Variants in PRSS12 observed in about 807,000 individuals in gnomAD.
The protein encoded by PRSS12 is serine protease 12.
A neutral mutation model predicts 104.4 loss-of-function variants in PRSS12; 85 were observed. That is an observed-to-expected ratio of 0.81 (90% CI 0.68 to 0.98). PRSS12 has a LOEUF of 0.98. Among genes scored for constraint, PRSS12 ranks in the 50% least tolerant of loss-of-function variants. The probability of loss-of-function intolerance (pLI) is 0.00; values close to 1 mark genes in which losing one functional copy is unlikely to be tolerated. For missense variants in PRSS12, 1,141 were observed against 1,139.2 expected, an observed-to-expected ratio of 1.00 and a Z score of -0.02; for synonymous variants, 454 against 425.2, an observed-to-expected ratio of 1.07 and a Z score of -0.83.
intron 7 of PRSS12, 31 bp downstream of exon 7, chr4:118,313,170 T>C (rs1209798441): frequency 3.7e-6 from 6 of 1,609,900 alleles, no homozygotes; most frequent in Non-Finnish European, 5.1e-6. Flanking sequence ...TACTGAATGA[T>C]GGAAACTTGA....
At chr4:118,296,591 T>C (rs1215695697) in intron 9 of PRSS12, among the ~76,000 whole-genome samples, 7 of 152,326 alleles carry the variant, frequency 4.6e-5, no homozygotes, top group Non-Finnish European at 8.8e-5. Context: ...TTTGGTTAAA[T>C]ATATGTGTAT....
At chr4:118,310,794 T>C (rs956575560) in intron 7 of PRSS12, among the ~76,000 whole-genome samples, 31 of 152,208 alleles carry the variant, frequency 2.0e-4, no homozygotes, top group African/African-American at 7.2e-4. Context: ...CTCACACCTG[T>C]AATCCCAGCA....
At position 118,299,424 on chromosome 4, in the gene PRSS12, G is replaced by A. The variant is rs1743335773; in HGVS notation, c.1632-486C>T. Among the ~76,000 whole-genome samples the A allele has an allele frequency of 2.6e-5, 4 of 152,010 alleles. No individual in the cohort carries two copies. In the South Asian group the frequency reaches 8.3e-4, roughly 31 times the overall value. ...GGCCGGGCACGTTGGCTCATGCCTA[G>A]AATCCCAACACTTTGGGAGGCCAAG... On this transcript the variant is annotated intron_variant, in intron 8 of 12. Coordinates refer to ENST00000296498, the MANE Select transcript of PRSS12 (RefSeq NM_003619.4).
rs888521495 is a variant in PRSS12 at position 118,281,488 on chromosome 4, A to C, written c.*448T>G. ...CAGAGAATATGAAGATTTCTTGTCA[A>C]GTCTTTTGAAAAGACCTAAGCATAA... On this transcript the variant is annotated 3_prime_UTR_variant, in exon 13 of 13. Transcript: ENST00000296498. The C allele has an allele frequency of 5.3e-6, 1 of 190,036 alleles. No homozygotes were observed. Among genetic ancestry groups the C allele is most frequent in the South Asian group, 9.8e-5 (1 of 10,244 alleles). The allele number at this position is 190,036 out of a possible 1,614,324, so 11.8% of individuals were successfully genotyped here.
intron 5 of PRSS12, 124 bp downstream of exon 5, chr4:118,318,254 T>G: frequency 1.1e-6 from 1 of 933,558 alleles, no homozygotes; most frequent in Non-Finnish European, 1.6e-6. Flanking sequence ...TTTTGTTTGT[T>G]TTATTTGGTG....
chr4:118,328,188 G>A (rs1464863994), intron 4 of PRSS12, among the ~76,000 whole-genome samples: 1 of 152,180 alleles, frequency 6.6e-6, no homozygotes, highest in Non-Finnish European at 1.5e-5. Flanking sequence ...CTGCTTTATT[G>A]CAAACTTATG....
intron 7 of PRSS12, among the ~76,000 whole-genome samples, chr4:118,309,256 T>G (rs1156766585): frequency 2.0e-5 from 3 of 152,200 alleles, no homozygotes; most frequent in Non-Finnish European, 2.9e-5. Context: ...ATGAAGGGAT[T>G]TGTAAAGTGT....
chr4:118,346,070 C>T (rs1724346412), intron 1 of PRSS12, among the ~76,000 whole-genome samples: 1 of 152,166 alleles, frequency 6.6e-6, no homozygotes, highest in African/African-American at 2.4e-5. Flanking sequence ...AAAGGACATT[C>T]CTGCAGAGGG....
At chr4:118,336,061 T>C (rs1724057601) in intron 2 of PRSS12, among the ~76,000 whole-genome samples, 1 of 152,240 alleles carries the variant, frequency 6.6e-6, no homozygotes, top group Non-Finnish European at 1.5e-5. Context: ...TGTCTTCTAA[T>C]GTGTCAAAAG....
intron 5 of PRSS12, 31 bp downstream of exon 5, chr4:118,318,347 A>G: frequency 6.2e-7 from 1 of 1,610,622 alleles, no homozygotes; most frequent in East Asian, 2.2e-5. Flanking sequence ...TGGGGGCAAG[A>G]ACTGGTACAC....
chr4:118,313,817 T>C (rs189427979), intron 6 of PRSS12, among the ~76,000 whole-genome samples: 135 of 152,248 alleles, frequency 8.9e-4, no homozygotes, highest in African/African-American at 3.0e-3. Context: ...TCTTTCAAAA[T>C]AAAAAGTGTG....
In PRSS12 at chr4:118,295,800, T is replaced by C; in HGVS notation, c.1894A>G (p.Ile632Val). The C allele has an allele frequency of 6.2e-7, 1 of 1,614,074 alleles. No individual in the cohort carries two copies. The highest frequency in any genetic ancestry group is 8.5e-7 in the Non-Finnish European group (1 of 1,179,926). ...TACCTTAAAGAATTTTTCCCACCAA[T>C]GATCCGCTTCTGCCGACGGTGCAGT... The part of the protein sequence containing the change: ...RLLHRRQKRI[I>V]GGKNSLRGGW... The change falls in exon 10 of 13, where the codon ATT becomes GTT. Residue 632 changes from isoleucine (I) to valine (V), a missense_variant. Transcript: ENST00000296498.
chr4:118,303,800 CTT>C (rs1461622442), intron 8 of PRSS12: 1 of 151,936 alleles, frequency 6.6e-6, no homozygotes, highest in Non-Finnish European at 1.5e-5. Flanking sequence ...CAAAATTTCT[CTT>C]CTCTCACTTC....
intron 8 of PRSS12, among the ~76,000 whole-genome samples, chr4:118,307,066 A>G (rs1743575154): frequency 6.6e-6 from 1 of 151,632 alleles, no homozygotes; most frequent in African/African-American, 2.4e-5. Flanking sequence ...AACAAGAATA[A>G]TTTTTTTTTC....
intron 4 of PRSS12, among the ~76,000 whole-genome samples, chr4:118,330,326 G>C (rs971833559): frequency 1.3e-5 from 2 of 152,112 alleles, no homozygotes; most frequent in African/African-American, 4.8e-5. Flanking sequence ...CAAAATGTTT[G>C]CTTTGATCTA....
rs1560766591 is a variant in PRSS12 at position 118,295,771 on chromosome 4, C to T, written c.1916+7G>A. 6.2e-7 allele frequency: 1 copy of T among 1,609,388 alleles called. No individual in the cohort carries two copies. The highest frequency in any genetic ancestry group is 1.1e-5 in the South Asian group (1 of 90,980). On this transcript the variant is annotated splice_region_variant and intron_variant, in intron 10 of 12. Coordinates refer to ENST00000296498, the MANE Select transcript of PRSS12 (RefSeq NM_003619.4). ...ATATAAAAAATCTCTTTTGGAGGAACATTTACCTTAAAGAATTTTTCCCAC... is the reference window on the plus strand; with the variant it reads ...ATATAAAAAATCTCTTTTGGAGGAATATTTACCTTAAAGAATTTTTCCCAC...
intron 1 of PRSS12, among the ~76,000 whole-genome samples, chr4:118,343,783 G>A (rs1724278651): frequency 6.6e-6 from 1 of 152,106 alleles, no homozygotes; most frequent in Non-Finnish European, 1.5e-5. Context: ...TGCCTATTTA[G>A]TTAACCCCTC....
chr4:118,282,828 T>A lies in PRSS12; in HGVS notation c.2320+3A>T, dbSNP rs760474680. 1 of 1,614,164 alleles carries A rather than the reference T, an allele frequency of 6.2e-7. No homozygotes were observed. Among genetic ancestry groups the A allele is most frequent in the Admixed American group, 1.7e-5 (1 of 60,028 alleles). ...TGCCCTGCTTTTTTTGATTATGCCT[T>A]ACCTGTGTCACCCCATCCTGTTATG... On this transcript the variant is annotated splice_donor_region_variant and intron_variant, in intron 12 of 12. Transcript: ENST00000296498.
chr4:118,343,512 T>C (rs1442203605), intron 1 of PRSS12, among the ~76,000 whole-genome samples: 1 of 152,222 alleles, frequency 6.6e-6, no homozygotes. Flanking sequence ...CTTCATTCTA[T>C]ATACCCAGCT....
Sources: allele counts gnomAD v4.1 joint callset (sites outside exome capture counted in the v4.1 genomes callset), GRCh38; gene constraint gnomAD v4.1.1; transcripts MANE v1.5; gene names NCBI Gene and HGNC (gene_info 2026-07-23, HGNC 2026-07-21).